Variants in CNDP1 observed in about 807,000 individuals in gnomAD.
CNDP1 encodes carnosine dipeptidase 1.
Under a neutral mutation model 58.1 loss-of-function variants are expected in CNDP1, and 44 were observed. That is an observed-to-expected ratio of 0.76 (90% CI 0.60 to 0.97). The LOEUF is 0.97. CNDP1 is among the 50% of genes least tolerant of loss of function. The probability of loss-of-function intolerance (pLI) is 0.00; values close to 1 mark genes in which losing one functional copy is unlikely to be tolerated. For missense variants in CNDP1, 616 were observed against 655.1 expected (o/e 0.94, Z 0.65); for synonymous variants, 254 against 252.6 (o/e 1.01, Z -0.05).
chr18:74,555,755 G>A (rs925618194), intron 1 of CNDP1, among the ~76,000 whole-genome samples: 3 of 152,114 alleles, frequency 2.0e-5, no homozygotes, highest in Non-Finnish European at 4.4e-5. Flanking sequence ...TTCAACTCCT[G>A]ACCTCAAGTG....
At chr18:74,557,620 C>T (rs1303362145) in intron 2 of CNDP1, among the ~76,000 whole-genome samples, 1 of 152,038 alleles carries the variant, frequency 6.6e-6, no homozygotes, top group East Asian at 1.9e-4. Flanking sequence ...TATGTATCCC[C>T]ACACACCCCC....
At chr18:74,551,399 A>C (rs1251342129) in intron 1 of CNDP1, among the ~76,000 whole-genome samples, 9 of 125,188 alleles carry the variant, frequency 7.2e-5, no homozygotes, top group South Asian at 2.6e-4. Context: ...CACACAAACA[A>C]AAACAGAGGC....
At chr18:74,548,034 ACT>A (rs1980807961) in intron 1 of CNDP1, among the ~76,000 whole-genome samples, 1 of 151,560 alleles carries the variant, frequency 6.6e-6, no homozygotes, top group African/African-American at 2.4e-5. Flanking sequence ...CGCCGAAAAG[ACT>A]CTCTCAGTCC....
intron 9 of CNDP1, 27 bp downstream of exon 9, chr18:74,578,354 C>T (rs377141395): frequency 1.5e-5 from 24 of 1,582,852 alleles, no homozygotes; most frequent in Non-Finnish European, 1.3e-5. Flanking sequence ...GTGACAATAA[C>T]ATGTTTCAGT....
At chr18:74,544,930 C>T (rs1240968918) in intron 1 of CNDP1, among the ~76,000 whole-genome samples, 6 of 151,964 alleles carry the variant, frequency 3.9e-5, no homozygotes, top group Non-Finnish European at 7.4e-5. Context: ...TCAGTGTCCT[C>T]CTAAGATGAG....
Position 74,559,620 on chromosome 18 carries a change from G to C in CNDP1, c.303+148G>C, listed in dbSNP as rs1003977578. 6.6e-6 allele frequency: 5 copies of C among 754,456 alleles called. No homozygotes were observed. In the Admixed American group the frequency reaches 1.6e-4, roughly 24 times the overall value. The allele number at this position is 754,456 out of a possible 1,614,324, so 46.7% of individuals were successfully genotyped here. A position where few individuals can be genotyped will look rare whatever the true frequency, so the allele number is the denominator to read the frequency against. ...CCCAATGAAGATGAAACATTCCCCTGGTCTCAAATGAAGCCGTGTTATTGC... is the reference window on the plus strand; with the variant it reads ...CCCAATGAAGATGAAACATTCCCCTCGTCTCAAATGAAGCCGTGTTATTGC... On this transcript the variant is annotated intron_variant, in intron 3 of 11. Coordinates refer to ENST00000358821, the MANE Select transcript of CNDP1 (RefSeq NM_032649.6).
intron 7 of CNDP1, among the ~76,000 whole-genome samples, chr18:74,573,872 C>A (rs1981561669): frequency 7.1e-6 from 1 of 141,064 alleles, no homozygotes; most frequent in Non-Finnish European, 1.5e-5. Flanking sequence ...CGTGGTTTGA[C>A]TTTCTTTAGT....
intron 10 of CNDP1, among the ~76,000 whole-genome samples, chr18:74,582,632 G>A (rs1981816420): frequency 6.6e-6 from 1 of 152,162 alleles, no homozygotes; most frequent in African/African-American, 2.4e-5. Context: ...CCAGAGTGAG[G>A]GATATTTTAC....
intron 1 of CNDP1, among the ~76,000 whole-genome samples, chr18:74,540,090 T>G (rs1035438603): frequency 6.6e-6 from 1 of 152,156 alleles, no homozygotes; most frequent in African/African-American, 2.4e-5. Context: ...ATAAAAATAG[T>G]TTTACCACTG....
intron 1 of CNDP1, among the ~76,000 whole-genome samples, chr18:74,551,395 A>ACACACACACACACAC (rs1568293393): frequency 2.7e-5 from 3 of 109,556 alleles, no homozygotes; most frequent in African/African-American, 1.0e-4. Flanking sequence ...CACACACACA[A>ACACACACACACACAC]ACAAAAACAG....
intron 1 of CNDP1, among the ~76,000 whole-genome samples, chr18:74,547,942 G>T (rs759358204): frequency 3.9e-5 from 6 of 152,078 alleles, no homozygotes; most frequent in Non-Finnish European, 8.8e-5. Context: ...ATAAACACAG[G>T]CCTATGCAGC....
Position 74,562,920 on chromosome 18 carries a change from C to T in CNDP1, c.555+785C>T, listed in dbSNP as rs191030084. Among the ~76,000 whole-genome samples, 187 of 152,172 alleles carry T rather than the reference C, an allele frequency of 1.2e-3. 1 individual carries two copies. The highest frequency in any genetic ancestry group is 1.4e-3 in the Non-Finnish European group (98 of 68,016). ...CAAGCAACTTGACCTCTCTGGGCCT[C>T]GGAATCTGTTCTGTGAAAATGTGTG... On this transcript the variant is annotated intron_variant, in intron 5 of 11. Coordinates refer to ENST00000358821, the MANE Select transcript of CNDP1 (RefSeq NM_032649.6).
intron 3 of CNDP1, among the ~76,000 whole-genome samples, chr18:74,560,562 G>A (rs969638845): frequency 3.3e-5 from 5 of 152,136 alleles, no homozygotes; most frequent in Non-Finnish European, 7.4e-5. Flanking sequence ...AAAGGTAGCC[G>A]GACATGGTGG....
At chr18:74,553,727 T>C (rs1420021537) in intron 1 of CNDP1, among the ~76,000 whole-genome samples, 1 of 152,182 alleles carries the variant, frequency 6.6e-6, no homozygotes, top group Non-Finnish European at 1.5e-5. Flanking sequence ...ATTAGAACGT[T>C]TTGATACATT....
chr18:74,559,529 C>T, intron 3 of CNDP1, 57 bp downstream of exon 3: 1 of 1,539,456 alleles, frequency 6.5e-7, no homozygotes, highest in Middle Eastern at 2.2e-4. Flanking sequence ...TCAGTCATGC[C>T]TTCCCGGGGG....
rs961037534 is a variant in CNDP1 at position 74,555,974 on chromosome 18, G to A, written c.25-364G>A. On this transcript the variant is annotated intron_variant, in intron 1 of 11. Transcript: ENST00000358821. ...GGAAGATTTTTGCGTGTTTGTTTTT[G>A]GTTCTACCTTACTCTTTTCTCTCTT... Among the ~76,000 whole-genome samples the A allele has an allele frequency of 4.0e-5, 6 of 151,872 alleles. No individual in the cohort carries two copies. The South Asian group carries it at 1.2e-3, about 32-fold the overall frequency.
intron 9 of CNDP1, among the ~76,000 whole-genome samples, chr18:74,579,563 T>A (rs957539144): frequency 6.6e-6 from 1 of 151,902 alleles, no homozygotes; most frequent in Non-Finnish European, 1.5e-5. Flanking sequence ...ATGGAAGAAA[T>A]TTGAATATGG....
intron 3 of CNDP1, among the ~76,000 whole-genome samples, chr18:74,559,842 A>G (rs529676643): frequency 6.6e-6 from 1 of 152,182 alleles, no homozygotes; most frequent in Non-Finnish European, 1.5e-5. Flanking sequence ...AAGGGGTTGT[A>G]TCTGGAGCTG....
intron 9 of CNDP1, among the ~76,000 whole-genome samples, 181 bp from the exon 10 acceptor site, chr18:74,579,949 T>C (rs1024622200): frequency 6.6e-6 from 1 of 152,198 alleles, no homozygotes; most frequent in African/African-American, 2.4e-5. Context: ...GATCTCACTC[T>C]CGCCCTCTGG....
Sources: gnomAD v4.1 joint callset for allele counts (sites outside exome capture counted in the v4.1 genomes callset) on GRCh38, gnomAD v4.1.1 for gene constraint, MANE v1.5 for transcripts, NCBI Gene and HGNC (gene_info 2026-07-23, HGNC 2026-07-21) for gene names.